ADAMTSL1: variants seen among roughly 807,000 people sequenced by gnomAD.
ADAMTSL1 encodes ADAMTS-like protein 1.
Under a neutral mutation model 201.8 loss-of-function variants are expected in ADAMTSL1, and 126 were observed. The ratio of observed to expected loss-of-function variants is 0.62; its 90% CI spans 0.54 to 0.72. ADAMTSL1 has a LOEUF of 0.72. Among genes scored for constraint, ADAMTSL1 ranks in the 30% least tolerant of loss-of-function variants. ADAMTSL1 has a pLI of 0.00. For synonymous variants in ADAMTSL1, 1,121 were observed against 903.4 expected (o/e 1.24, Z -4.32); for missense variants, 2,679 against 2,277.8 (o/e 1.18, Z -3.59).
Position 18,120,774 on chromosome 9 carries a change from G to C in ADAMTSL1, c.88-43088G>C, listed in dbSNP as rs374771958. Among the ~76,000 whole-genome samples the C allele has an allele frequency of 1.3e-3, 194 of 152,202 alleles. 7 individuals carry two copies. In the South Asian group the frequency reaches 0.04, roughly 31 times the overall value. On this transcript the variant is annotated intron_variant, in intron 1 of 29. Coordinates refer to the ADAMTSL1 transcript ENST00000680146. ...TATAAATTAAGTTTAAGAAGCATCA[G>C]TGTAAGATAGACTATATTTCAAATG... is the stretch of plus-strand genomic sequence containing the variant.
chr9:18,649,745 G>C (rs1249078576), intron 7 of ADAMTSL1, among the ~76,000 whole-genome samples: 3 of 152,112 alleles, frequency 2.0e-5, no homozygotes, highest in Non-Finnish European at 4.4e-5. Flanking sequence ...TCGTTCCTCT[G>C]GAAGTTTTGT....
At chr9:18,404,998 C>G (rs568273206) in intron 2 of ADAMTSL1, among the ~76,000 whole-genome samples, 1 of 152,256 alleles carries the variant, frequency 6.6e-6, no homozygotes, top group East Asian at 1.9e-4. Flanking sequence ...ACTTTCTTGA[C>G]TAGACTTGCC....
At chr9:18,620,024 T>A (rs1281898690) in intron 4 of ADAMTSL1, among the ~76,000 whole-genome samples, 16 of 150,616 alleles carry the variant, frequency 1.1e-4, no homozygotes, top group African/African-American at 3.9e-4. Context: ...GATTTTTTTT[T>A]TTTTTTTTTT....
chr9:18,351,372 A>C (rs1835956290), intron 2 of ADAMTSL1, among the ~76,000 whole-genome samples: 1 of 152,100 alleles, frequency 6.6e-6, no homozygotes, highest in Admixed American at 6.5e-5. Context: ...TCAAAGTTTT[A>C]ATGATTTACT....
intron 2 of ADAMTSL1, among the ~76,000 whole-genome samples, chr9:18,506,162 C>T (rs941746013): frequency 5.3e-5 from 8 of 152,162 alleles, no homozygotes; most frequent in African/African-American, 1.9e-4. Context: ...ATTTTTGAGG[C>T]CAGCTTCGAA....
intron 5 of ADAMTSL1, among the ~76,000 whole-genome samples, chr9:18,632,109 C>T (rs905906811): frequency 1.2e-4 from 19 of 152,184 alleles, no homozygotes; most frequent in African/African-American, 4.6e-4. Context: ...TGGCATTAAT[C>T]ACCAAGGAGG....
chr9:18,464,172 C>A (rs1204518183), intron 2 of ADAMTSL1, among the ~76,000 whole-genome samples: 1 of 152,174 alleles, frequency 6.6e-6, no homozygotes, highest in African/African-American at 2.4e-5. Flanking sequence ...TAAGCATGCC[C>A]TCATCATCCC....
intron 2 of ADAMTSL1, among the ~76,000 whole-genome samples, chr9:18,167,239 G>C (rs1483548534): frequency 6.6e-6 from 1 of 151,916 alleles, no homozygotes; most frequent in Non-Finnish European, 1.5e-5. Flanking sequence ...AAAGAATGAG[G>C]TTTTCTTCAG....
chr9:17,926,332 T>C (rs1472868541), intron 1 of ADAMTSL1, among the ~76,000 whole-genome samples: 1 of 152,206 alleles, frequency 6.6e-6, no homozygotes, highest in Non-Finnish European at 1.5e-5. Flanking sequence ...GACTAGATCA[T>C]GCTGTAATAG....
intron 2 of ADAMTSL1, among the ~76,000 whole-genome samples, chr9:18,391,827 T>TC (rs903095739): frequency 1.1e-4 from 16 of 141,882 alleles, no homozygotes; most frequent in East Asian, 4.1e-4. Flanking sequence ...TTTCTTTCTT[T>TC]TTTTTTTTTT....
In ADAMTSL1 at chr9:18,887,845, G is replaced by A. The variant is rs760696519; in HGVS notation, c.4264G>A (p.Gly1422Ser). 1 of 1,613,782 alleles carries A rather than the reference G, an allele frequency of 6.2e-7. No homozygotes were observed. The highest frequency in any genetic ancestry group is 8.5e-7 in the Non-Finnish European group (1 of 1,179,848). Residue 1422 changes from glycine to serine, a missense_variant, in exon 24 of 29, where the codon GGT (glycine) becomes AGT (serine). By Grantham distance (56) the Gly-to-Ser change is moderately conservative. Transcript: ENST00000380548. Reference sequence around the variant, plus strand: ...TCTCCTTCTAGGCTGCCCCATCAAAGGTCACCCTGTCCCTAATATCACCTG... The same window carrying A: ...TCTCCTTCTAGGCTGCCCCATCAAAAGTCACCCTGTCCCTAATATCACCTG... ...NSALLGCPIK[G>S]HPVPNITWFH... is the part of the protein sequence containing the mutation.
Position 18,901,171 on chromosome 9 carries a change from A to G in ADAMTSL1, c.4852-4611A>G, listed in dbSNP as rs373102430. Among the ~76,000 whole-genome samples, 7 of 152,172 alleles carry G rather than the reference A, an allele frequency of 4.6e-5. 1 individual carries two copies. Among genetic ancestry groups the G allele is most frequent in the Admixed American group, 2.6e-4 (4 of 15,288 alleles). On this transcript the variant is annotated intron_variant, in intron 26 of 28. Coordinates refer to ENST00000380548, the MANE Select transcript of ADAMTSL1 (RefSeq NM_001040272.6). ...TTTAAAAAAAAAAAAGAAAAATTAT[A>G]AAGTACAGAAAGAAAAAACTATTAA...
intron 23 of ADAMTSL1, among the ~76,000 whole-genome samples, chr9:18,874,709 T>G (rs1226967802): frequency 6.6e-6 from 1 of 152,180 alleles, no homozygotes; most frequent in African/African-American, 2.4e-5. Context: ...TACATTGATG[T>G]TCACCAGCGA....
chr9:18,218,677 A>G (rs1425183990), intron 2 of ADAMTSL1, among the ~76,000 whole-genome samples: 1 of 152,076 alleles, frequency 6.6e-6, no homozygotes, highest in Admixed American at 6.6e-5. Context: ...TTAATCATTC[A>G]TATATATAAG....
chr9:18,670,941 G>T (rs966196154), intron 9 of ADAMTSL1, among the ~76,000 whole-genome samples: 2 of 144,088 alleles, frequency 1.4e-5, no homozygotes, highest in East Asian at 2.1e-4. Context: ...TGTAGTATTT[G>T]AATGTGACTT....
At chr9:17,907,535 G>A (rs1402682226) in intron 1 of ADAMTSL1, among the ~76,000 whole-genome samples, 3 of 152,150 alleles carry the variant, frequency 2.0e-5, no homozygotes, top group Non-Finnish European at 4.4e-5. Flanking sequence ...GATTGGCCCT[G>A]ACCATACCCC....
intron 1 of ADAMTSL1, among the ~76,000 whole-genome samples, chr9:18,477,127 T>G (rs1587323698): frequency 6.6e-6 from 1 of 152,338 alleles, no homozygotes; most frequent in East Asian, 1.9e-4. Context: ...TTTCTCGTAT[T>G]TATTCTCTCT....
intron 1 of ADAMTSL1, among the ~76,000 whole-genome samples, chr9:17,907,765 A>ATGCC (rs1422491894): frequency 6.6e-6 from 1 of 152,138 alleles, no homozygotes; most frequent in Admixed American, 6.5e-5. Flanking sequence ...CAAACTCAGA[A>ATGCC]TGCCTGCGGT....
At chr9:18,737,557 T>G (rs1247590230) in intron 15 of ADAMTSL1, among the ~76,000 whole-genome samples, 1 of 152,118 alleles carries the variant, frequency 6.6e-6, no homozygotes, top group Admixed American at 6.5e-5. Context: ...ATTAGTCCTA[T>G]CGATACCAAA....
Sources: allele counts gnomAD v4.1 joint callset (sites outside exome capture counted in the v4.1 genomes callset), GRCh38; gene constraint gnomAD v4.1.1; transcripts MANE v1.5; gene names NCBI Gene and HGNC (gene_info 2026-07-23, HGNC 2026-07-21).